MOCS2: variants seen among roughly 807,000 people sequenced by gnomAD.
MOCS2 encodes the protein molybdenum cofactor synthesis 2.
Under a neutral mutation model 21.9 loss-of-function variants are expected in MOCS2, and 13 were observed. That is an observed-to-expected ratio of 0.59 (90% CI 0.39 to 0.94). MOCS2 has a LOEUF of 0.94. Among genes scored for constraint, MOCS2 ranks in the 40% least tolerant of loss-of-function variants. The probability of loss-of-function intolerance (pLI) is 0.00; values close to 1 mark genes in which losing one functional copy is unlikely to be tolerated. For missense variants in MOCS2, 227 were observed against 218.3 expected, an observed-to-expected ratio of 1.04 and a Z score of -0.25; for synonymous variants, 92 against 80.8, an observed-to-expected ratio of 1.14 and a Z score of -0.74.
intron 3 of MOCS2, among the ~76,000 whole-genome samples, chr5:53,104,646 A>C (rs1258000226): frequency 6.6e-6 from 1 of 152,182 alleles, no homozygotes; most frequent in Non-Finnish European, 1.5e-5. Context: ...CCTAGTGTTG[A>C]CATGAGAGGC....
intron 3 of MOCS2, among the ~76,000 whole-genome samples, chr5:53,104,274 T>C (rs1183917726): frequency 2.6e-5 from 4 of 152,216 alleles, no homozygotes; most frequent in Non-Finnish European, 4.4e-5. Flanking sequence ...AATATAAATA[T>C]GGTCTACGAG....
chr5:53,096,376 C>T lies in MOCS2; in HGVS notation c.*2226G>A, dbSNP rs912172435. 1 of 152,160 alleles carries T rather than the reference C, an allele frequency of 6.6e-6. No homozygotes were observed. Among genetic ancestry groups the T allele is most frequent in the African/African-American group, 2.4e-5 (1 of 41,444 alleles). The allele number at this position is 152,160 out of a possible 1,614,324, so 9.4% of individuals were successfully genotyped here. A position where few individuals can be genotyped will look rare whatever the true frequency, so the allele number is the denominator to read the frequency against. Reference sequence around the variant, plus strand: ...TCATTTTACCACCTGTTCAAAAATACTTGAAACATAAATAATTTGAATTTC... The same window carrying T: ...TCATTTTACCACCTGTTCAAAAATATTTGAAACATAAATAATTTGAATTTC... On this transcript the variant is annotated 3_prime_UTR_variant, in exon 7 of 7. Coordinates refer to ENST00000396954, the MANE Select transcript of MOCS2 (RefSeq NM_004531.5).
At chr5:53,105,780 A>C (rs777245223) in intron 3 of MOCS2, among the ~76,000 whole-genome samples, 28 of 152,252 alleles carry the variant, frequency 1.8e-4, no homozygotes, top group Non-Finnish European at 4.0e-4. Flanking sequence ...CTATCAACAG[A>C]GTGAATAGAC....
At chr5:53,107,255 C>T (rs369623037) in intron 2 of MOCS2, 34 bp from the exon 3 acceptor site, 45 of 1,585,246 alleles carry the variant, frequency 2.8e-5, no homozygotes, top group Middle Eastern at 1.7e-4. Flanking sequence ...AAAGTATCAA[C>T]GCTATGATAG....
chr5:53,097,169 A>G lies in MOCS2; in HGVS notation c.*1433T>C, dbSNP rs1476526004. The G allele has an allele frequency of 6.6e-6, 1 of 152,306 alleles. No individual in the cohort carries two copies. The highest frequency in any genetic ancestry group is 1.5e-5 in the Non-Finnish European group (1 of 68,126). 9.4% of individuals were successfully genotyped at this position (152,306 alleles called of 1,614,324 possible). A position where few individuals can be genotyped will look rare whatever the true frequency, so the allele number is the denominator to read the frequency against. ...AGGCGGAGGGTTTGTCTGCCCTTCC[A>G]GTATCCTTCTGGCCCAATCTCTCCA... On this transcript the variant is annotated 3_prime_UTR_variant, in exon 7 of 7. Coordinates refer to ENST00000396954, the MANE Select transcript of MOCS2 (RefSeq NM_004531.5).
chr5:53,108,761 A>G, intron 1 of MOCS2, 118 bp from the exon 2 acceptor site: 4 of 1,049,370 alleles, frequency 3.8e-6, no homozygotes. Context: ...TTTTATAAAG[A>G]AAATTAAATA....
At position 53,109,489 on chromosome 5, in the gene MOCS2, C is replaced by T. The variant is rs896415629; in HGVS notation, c.-408G>A. 3 of 1,323,712 alleles carry T rather than the reference C, an allele frequency of 2.3e-6. No homozygotes were observed. Among genetic ancestry groups the T allele is most frequent in the Non-Finnish European group, 2.9e-6 (3 of 1,041,166 alleles). The allele number at this position is 1,323,712 out of a possible 1,614,324, so 82.0% of individuals were successfully genotyped here. A position where few individuals can be genotyped will look rare whatever the true frequency, so the allele number is the denominator to read the frequency against. ...GCTGCCGTGAGCTGACAAGAGTTCT[C>T]GGAGAGGACCCGACTTCTGCTGGGG... On this transcript the variant is annotated 5_prime_UTR_variant, in exon 1 of 7. Transcript: ENST00000396954.
chr5:53,099,509 C>CT (rs893301467), intron 6 of MOCS2, among the ~76,000 whole-genome samples: 2 of 152,170 alleles, frequency 1.3e-5, no homozygotes, highest in Admixed American at 1.3e-4. Context: ...CTGAGCTTCA[C>CT]TAAGTTTCCT....
chr5:53,100,269 A>C (rs562171863), intron 6 of MOCS2, 142 bp downstream of exon 6: 1 of 956,522 alleles, frequency 1.0e-6, no homozygotes, highest in African/African-American at 1.6e-5. Flanking sequence ...TGCTTAACAA[A>C]TCTTGGAAAG....
Position 53,102,173 on chromosome 5 carries a change from A to G in MOCS2, c.150T>C (p.Thr50=). ...CTTCATCTACTGAAAGTTTCTCGGC[A>G]GTAAAGTTTATAACATCTTTAGATT... The part of the protein sequence containing the change: ...EEKSKDVINF[T]AEKLSVDEVS... Residue 50 remains threonine (T), a synonymous_variant, in exon 4 of 7, where the codon ACT becomes ACC. Transcript: ENST00000396954. 1.2e-6 allele frequency: 2 copies of G among 1,612,914 alleles called. No individual in the cohort carries two copies. The highest frequency in any genetic ancestry group is 1.7e-6 in the Non-Finnish European group (2 of 1,179,014).
At position 53,096,199 on chromosome 5, in the gene MOCS2, T is replaced by A. The variant is rs1404535160; in HGVS notation, c.*2403A>T. On this transcript the variant is annotated 3_prime_UTR_variant, in exon 7 of 7. Transcript: ENST00000396954. ...TTCACTGTACCAGGTGCTCAGTAAC[T>A]GTGTAAGATGTCTAAATCACTTATT... is the stretch of plus-strand genomic sequence containing the variant. 1 of 152,222 alleles carries A rather than the reference T, an allele frequency of 6.6e-6. No homozygotes were observed. Among genetic ancestry groups the A allele is most frequent in the East Asian group, 1.9e-4 (1 of 5,204 alleles). 9.4% of individuals were successfully genotyped at this position (152,222 alleles called of 1,614,324 possible). A position where few individuals can be genotyped will look rare whatever the true frequency, so the allele number is the denominator to read the frequency against.
chr5:53,100,173 C>A (rs1740868288), intron 6 of MOCS2, among the ~76,000 whole-genome samples: 1 of 152,162 alleles, frequency 6.6e-6, no homozygotes, highest in African/African-American at 2.4e-5. Context: ...ATGAACCCCT[C>A]CAACAGTCCA....
rs1740818383 is a variant in MOCS2, at chr5:53,098,595, T to C, written c.*7A>G. On this transcript the variant is annotated 3_prime_UTR_variant, in exon 7 of 7. Transcript: ENST00000396954. ...GTTAAGATTGCATGCTCTAAAAACA[T>C]AAGTGATTAACTGTTGGATGCCCAA... The C allele has an allele frequency of 6.2e-7, 1 of 1,611,004 alleles. No homozygotes were observed.
In MOCS2 at chr5:53,108,662, C is replaced by T. The variant is rs765384784; in HGVS notation, c.-169-19G>A. On this transcript the variant is annotated intron_variant, in intron 1 of 6. Transcript: ENST00000396954. ...CTTCAACCTGAAAGTAAAGAAAATGCTTTTAATAACAACTCATACTCGTTT... is the reference window on the plus strand; with the variant it reads ...CTTCAACCTGAAAGTAAAGAAAATGTTTTTAATAACAACTCATACTCGTTT... 2 of 1,610,196 alleles carry T rather than the reference C, an allele frequency of 1.2e-6. No homozygotes were observed. Among genetic ancestry groups the T allele is most frequent in the South Asian group, 1.1e-5 (1 of 90,120 alleles).
chr5:53,104,016 T>C (rs78631143), intron 3 of MOCS2, among the ~76,000 whole-genome samples: 13,436 of 152,248 alleles, frequency 0.088, 640 homozygotes, highest in Middle Eastern at 0.16. Context: ...AATATAATTA[T>C]TAATCCTGTA....
At position 53,109,757 on chromosome 5, in the gene MOCS2, C is replaced by A. The variant is rs1741162927; in HGVS notation, c.-676G>T. On this transcript the variant is annotated 5_prime_UTR_variant, in exon 1 of 7. Transcript: ENST00000396954. ...CGCCTAGGACAGCGGGACCGAATCA[C>A]GGCCGCAAAGGCGCAGGCGCGGGCT... 3 of 1,546,990 alleles carry A rather than the reference C, an allele frequency of 1.9e-6. No homozygotes were observed. The highest frequency in any genetic ancestry group is 2.6e-6 in the Non-Finnish European group (3 of 1,145,998).
rs779414494 is a variant in MOCS2, at chr5:53,107,239, T to C, written c.-47-18A>G. The C allele has an allele frequency of 6.2e-6, 10 of 1,604,874 alleles. No homozygotes were observed. The highest frequency in any genetic ancestry group is 1.6e-4 in the Middle Eastern group (1 of 6,080). On this transcript the variant is annotated intron_variant, in intron 2 of 6. Coordinates refer to ENST00000396954, the MANE Select transcript of MOCS2 (RefSeq NM_004531.5). The stretch of plus-strand genomic sequence containing the variant: ...CAGCCAATCTAAAGGGGAAAAAATA[T>C]GACTCAAAGTATCAACGCTATGATA...
intron 3 of MOCS2, among the ~76,000 whole-genome samples, chr5:53,104,447 T>C (rs2112087353): frequency 6.6e-6 from 1 of 152,346 alleles, no homozygotes; most frequent in East Asian, 1.9e-4. Context: ...CAGCTGTAAT[T>C]ACCACAAATA....
intron 5 of MOCS2, 105 bp downstream of exon 5, chr5:53,101,254 C>G: frequency 8.2e-7 from 1 of 1,217,802 alleles, no homozygotes; most frequent in Admixed American, 1.7e-5. Flanking sequence ...ATGAATATTC[C>G]TCTCATGGTA....
Sources: gnomAD v4.1 joint callset for allele counts (sites outside exome capture counted in the v4.1 genomes callset) on GRCh38, gnomAD v4.1.1 for gene constraint, MANE v1.5 for transcripts, NCBI Gene and HGNC (gene_info 2026-07-23, HGNC 2026-07-21) for gene names.